The following ATP9A variants were observed in gnomAD, a reference collection of about 807,000 sequenced individuals.
ATP9A encodes the protein probable phospholipid-transporting ATPase IIA.
ATP9A carries 52 observed loss-of-function variants against 144.1 expected under a neutral mutation model. That is an observed-to-expected ratio of 0.36 (90% confidence interval 0.29 to 0.45). The LOEUF is 0.45. Ranked by LOEUF, ATP9A falls within the 20% of genes least tolerant of loss-of-function variation. The probability of loss-of-function intolerance (pLI) is 1.00; values close to 1 mark genes in which losing one functional copy is unlikely to be tolerated. For missense variants in ATP9A, 947 were observed against 1,392.7 expected, an observed-to-expected ratio of 0.68 and a Z score of 5.09; for synonymous variants, 582 against 557.4, an observed-to-expected ratio of 1.04 and a Z score of -0.62.
chr20:51,605,116 A>C, intron 26 of ATP9A, 96 bp from the exon 27 acceptor site: 1 of 1,076,186 alleles, frequency 9.3e-7, no homozygotes, highest in African/African-American at 1.6e-5. Flanking sequence ...TTTCATTTAG[A>C]CATGAAAGGC....
chr20:51,663,962 A>T (rs997367944), intron 13 of ATP9A, among the ~76,000 whole-genome samples: 8 of 149,780 alleles, frequency 5.3e-5, no homozygotes, highest in Admixed American at 2.0e-4. Flanking sequence ...ACACGCTCAT[A>T]AAAAAAACAA....
In ATP9A at chr20:51,658,899, GGGGGA is replaced by G. The variant is rs1161523604; in HGVS notation, c.1294-1754_1294-1750del. Among the ~76,000 whole-genome samples the G allele has an allele frequency of 4.5e-5, 6 of 132,118 alleles. 1 individual carries two copies. The highest frequency in any genetic ancestry group is 3.7e-4 in the Admixed American group (5 of 13,628). The allele number at this position is 132,118 out of a possible 152,430, so 86.7% of individuals were successfully genotyped here. A position where few individuals can be genotyped will look rare whatever the true frequency, so the allele number is the denominator to read the frequency against. ...ATTAAGACCACTGGCGGGGGGGGGG[GGGGGA>G]AGGCTCATTGTTGAACACAAGCCAA... On this transcript the variant is annotated intron_variant, in intron 13 of 27. Transcript: ENST00000338821.
At chr20:51,675,840 A>C (rs1002539513) in intron 10 of ATP9A, among the ~76,000 whole-genome samples, 4 of 151,070 alleles carry the variant, frequency 2.6e-5, no homozygotes, top group Non-Finnish European at 5.9e-5. Context: ...AAATCAAGCC[A>C]CTGTATTCCT....
chr20:51,677,962 A>T (rs937079239), intron 9 of ATP9A, among the ~76,000 whole-genome samples: 3 of 152,162 alleles, frequency 2.0e-5, no homozygotes, highest in African/African-American at 7.2e-5. Context: ...ATTTGGCAGT[A>T]TCTGTCAAAA....
chr20:51,641,080 T>G (rs1267216886), intron 14 of ATP9A, among the ~76,000 whole-genome samples: 2 of 151,942 alleles, frequency 1.3e-5, no homozygotes, highest in Admixed American at 6.6e-5. Context: ...TTTTTAATTA[T>G]TAGGGTGGTG....
chr20:51,737,400 G>A (rs1216220674), intron 1 of ATP9A, among the ~76,000 whole-genome samples: 1 of 152,152 alleles, frequency 6.6e-6, no homozygotes, highest in Admixed American at 6.6e-5. Context: ...ACAATGGACA[G>A]ATTTCCTTTA....
At chr20:51,603,453 C>G (rs557771782) in intron 27 of ATP9A, among the ~76,000 whole-genome samples, 42 of 152,244 alleles carry the variant, frequency 2.8e-4, no homozygotes, top group Middle Eastern at 3.4e-3. Flanking sequence ...TCTAGTTGAA[C>G]TAGAAACAGG....
intron 1 of ATP9A, among the ~76,000 whole-genome samples, chr20:51,756,776 C>G (rs1289501101): frequency 2.0e-5 from 3 of 152,314 alleles, no homozygotes; most frequent in African/African-American, 7.2e-5. Flanking sequence ...GGATCCACGT[C>G]TGCAACATTT....
intron 15 of ATP9A, among the ~76,000 whole-genome samples, chr20:51,636,763 G>A (rs2077293981): frequency 6.6e-6 from 1 of 151,564 alleles, no homozygotes; most frequent in South Asian, 2.1e-4. Flanking sequence ...ACATGGTTAT[G>A]TATTAAATGA....
chr20:51,652,933 C>A lies in ATP9A; in HGVS notation c.1506+4005G>T, dbSNP rs181875965. On this transcript the variant is annotated intron_variant, in intron 14 of 27. Coordinates refer to ENST00000338821, the MANE Select transcript of ATP9A (RefSeq NM_006045.3). Reference sequence around the variant, plus strand: ...ACCAACCTGGCTAACACGGTGAAACCCCATCTCTACTAAAAATACAAAAAA... The same window carrying A: ...ACCAACCTGGCTAACACGGTGAAACACCATCTCTACTAAAAATACAAAAAA... 7.9e-5 allele frequency among the ~76,000 whole-genome samples: 12 copies of A among 151,994 alleles called. No homozygotes were observed. The East Asian group carries it at 2.1e-3, about 27-fold the overall frequency.
At chr20:51,642,703 G>A (rs531906685) in intron 14 of ATP9A, among the ~76,000 whole-genome samples, 2 of 112,120 alleles carry the variant, frequency 1.8e-5, no homozygotes, top group East Asian at 6.1e-4. Context: ...TCTAGCCTGG[G>A]TGACTGAGTG....
intron 19 of ATP9A, among the ~76,000 whole-genome samples, chr20:51,621,376 C>T (rs6013235): frequency 0.31 from 47,578 of 151,784 alleles, 7,608 homozygotes; most frequent in Non-Finnish European, 0.34. Context: ...GGGGTGAGGG[C>T]GAGACCCCCA....
intron 4 of ATP9A, among the ~76,000 whole-genome samples, chr20:51,699,887 C>T (rs2077586357): frequency 1.3e-5 from 2 of 152,074 alleles, no homozygotes; most frequent in Admixed American, 6.5e-5. Context: ...GTGATCCACC[C>T]GCCTCGGCCT....
chr20:51,610,118 T>C lies in ATP9A; in HGVS notation c.2619A>G (p.Gln873=). The C allele has an allele frequency of 1.9e-6, 3 of 1,607,448 alleles. No individual in the cohort carries two copies. The highest frequency in any genetic ancestry group is 2.6e-6 in the Non-Finnish European group (3 of 1,173,956). ...VFYFASVPLY[Q]GFLIIGYSTI... ...TTCCTTACCCAATGATGAGGAATCC[T>C]TGATAGAGAGGGACGGAGGCAAAGT... The change falls in exon 24 of 28, where the codon CAA becomes CAG. Residue 873 remains glutamine, a synonymous_variant. Transcript: ENST00000338821.
chr20:51,602,077 C>T (rs543055201), intron 27 of ATP9A, among the ~76,000 whole-genome samples: 4 of 152,082 alleles, frequency 2.6e-5, no homozygotes, highest in African/African-American at 9.6e-5. Flanking sequence ...CGCAGAAAGC[C>T]ACAGGATGAG....
intron 4 of ATP9A, among the ~76,000 whole-genome samples, chr20:51,699,821 T>G (rs1601113061): frequency 1.3e-5 from 2 of 151,974 alleles, no homozygotes; most frequent in South Asian, 4.2e-4. Context: ...TTTTGTAGTT[T>G]TAGTAGAGAC....
At position 51,611,698 on chromosome 20, in the gene ATP9A, G is replaced by C. The variant is rs1247862762; in HGVS notation, c.2572-1533C>G. Among the ~76,000 whole-genome samples the C allele has an allele frequency of 6.6e-6, 1 of 152,168 alleles. No individual in the cohort carries two copies. The highest frequency in any genetic ancestry group is 1.5e-5 in the Non-Finnish European group (1 of 68,030). ...AGTCAGCTCATCCCGGCCAGCTTTT[G>C]TGTATGAGTCCAAGGACGGGCTGAT... On this transcript the variant is annotated intron_variant, in intron 23 of 27. Coordinates refer to ENST00000338821, the MANE Select transcript of ATP9A (RefSeq NM_006045.3). This position sits in a 1 kb window ranked among gnomAD's most constrained non-coding sequence, Gnocchi z 4.2.
chr20:51,635,842 GAAAA>G (rs2077289664), intron 15 of ATP9A, among the ~76,000 whole-genome samples: 1 of 12,288 alleles, frequency 8.1e-5, no homozygotes, highest in African/African-American at 1.6e-4. Context: ...GGGAGGGAGG[GAAAA>G]AGGAAGGAAG....
chr20:51,759,109 T>A (rs1179496596), intron 1 of ATP9A, among the ~76,000 whole-genome samples: 1 of 152,174 alleles, frequency 6.6e-6, no homozygotes, highest in African/African-American at 2.4e-5. Flanking sequence ...CCTCTGTAAC[T>A]GAAGGGGATG....
Sources: gnomAD v4.1 joint callset for allele counts (sites outside exome capture counted in the v4.1 genomes callset) on GRCh38, gnomAD v4.1.1 for gene constraint, Gnocchi (gnomAD v3.1) non-coding constraint, MANE v1.5 for transcripts, NCBI Gene and HGNC (gene_info 2026-07-23, HGNC 2026-07-21) for gene names.